GABRA3: variants seen among roughly 807,000 people sequenced by gnomAD.
The protein encoded by GABRA3 is gamma-aminobutyric acid type A receptor subunit alpha3.
A neutral mutation model predicts 30.1 loss-of-function variants in GABRA3; 10 were observed. The ratio of observed to expected loss-of-function variants is 0.33; its 90% confidence interval spans 0.20 to 0.56. GABRA3 has a LOEUF of 0.56. Among genes scored for constraint, GABRA3 ranks in the 20% least tolerant of loss-of-function variants. GABRA3 has a pLI of 0.89. For missense variants in GABRA3, 233 were observed against 392.0 expected (o/e 0.59, Z 3.42); for synonymous variants, 151 against 146.8 (o/e 1.03, Z -0.21).
intron 3 of GABRA3, among the ~76,000 whole-genome samples, chrX:152,298,390 A>C: frequency 9.7e-6 from 1 of 102,668 alleles, no homozygotes; most frequent in African/African-American, 3.8e-5. Context: ...CCACCCCACA[A>C]CAGGCCCCGG....
intron 4 of GABRA3, among the ~76,000 whole-genome samples, chrX:152,259,978 T>C (rs1002448576): frequency 1.8e-5 from 2 of 110,958 alleles, no homozygotes; most frequent in Non-Finnish European, 3.8e-5. Context: ...ACAGCATTTC[T>C]GGACCTGCCT....
intron 4 of GABRA3, among the ~76,000 whole-genome samples, chrX:152,264,007 A>C (rs1307177340): frequency 8.9e-6 from 1 of 111,852 alleles, no homozygotes; most frequent in African/African-American, 3.2e-5. Flanking sequence ...ATGAAAAAGA[A>C]ATAAATAATT....
chrX:152,422,015 A>G (rs935547163), intron 1 of GABRA3, among the ~76,000 whole-genome samples: 1 of 111,529 alleles, frequency 9.0e-6, no homozygotes, highest in Non-Finnish European at 1.9e-5. Context: ...GAAAATATGC[A>G]TACCCTATGA....
In GABRA3 at chrX:152,343,489, C is replaced by T. The variant is rs180805495; in HGVS notation, c.262+2092G>A. On this transcript the variant is annotated intron_variant, in intron 3 of 9. Transcript: ENST00000370314. ...AAACGCAATTGCACCATTCTCCCTC[C>T]AGTCTTCCCTATTTTAGAAAATAGC... is the stretch of plus-strand genomic sequence containing the variant. Among the ~76,000 whole-genome samples the T allele has an allele frequency of 3.7e-5, 4 of 109,294 alleles. No individual in the cohort carries two copies. In the Admixed American group the frequency reaches 3.9e-4, roughly 11 times the overall value. The allele number at this position is 109,294 out of a possible 115,157, so 94.9% of individuals were successfully genotyped here. A position where few individuals can be genotyped will look rare whatever the true frequency, so the allele number is the denominator to read the frequency against.
chrX:152,399,803 C>T (rs1317130241), intron 1 of GABRA3, among the ~76,000 whole-genome samples: 1 of 111,444 alleles, frequency 9.0e-6, no homozygotes, highest in Non-Finnish European at 1.9e-5. Flanking sequence ...TCAGACATAG[C>T]GAGGTGATTT....
At chrX:152,220,678 A>G (rs1380166276) in intron 6 of GABRA3, among the ~76,000 whole-genome samples, 2 of 111,904 alleles carry the variant, frequency 1.8e-5, no homozygotes, top group Non-Finnish European at 3.8e-5. Context: ...TCAGTAGCGC[A>G]TGAGAGTCCA....
Position 152,325,603 on chromosome X carries a change from AG to A in GABRA3, c.262+19977del, listed in dbSNP as rs752763930. On this transcript the variant is annotated intron_variant, in intron 3 of 9. Coordinates refer to ENST00000370314, the MANE Select transcript of GABRA3 (RefSeq NM_000808.4). ...CAAAGAGGGTCTGGAGTGGACCTCT[AG>A]CAAACTCCAACAGACCTGCAGCTGA... 8.0e-5 allele frequency among the ~76,000 whole-genome samples: 9 copies of A among 112,212 alleles called. No homozygotes were observed. In the East Asian group the frequency reaches 2.0e-3, roughly 25 times the overall value.
chrX:152,362,476 A>G (rs987521463), intron 2 of GABRA3, among the ~76,000 whole-genome samples: 1 of 111,621 alleles, frequency 9.0e-6, no homozygotes, highest in East Asian at 2.8e-4. Context: ...TGGGTTTTAT[A>G]AAATCATGTT....
chrX:152,245,837 C>T (rs1211967814), intron 5 of GABRA3, among the ~76,000 whole-genome samples: 1 of 111,576 alleles, frequency 9.0e-6, no homozygotes, highest in African/African-American at 3.3e-5. Context: ...CAGTCTTAGA[C>T]GTTACCACAT....
intron 5 of GABRA3, among the ~76,000 whole-genome samples, chrX:152,237,192 C>T (rs1158749700): frequency 9.0e-6 from 1 of 111,330 alleles, no homozygotes; most frequent in Non-Finnish European, 1.9e-5. Flanking sequence ...AGGAAGGGAT[C>T]CAGTTTCAGC....
chrX:152,409,635 CAGAATATACA>C (rs1184524303), intron 1 of GABRA3, among the ~76,000 whole-genome samples: 8 of 111,022 alleles, frequency 7.2e-5, no homozygotes, highest in Non-Finnish European at 5.7e-5. Flanking sequence ...GATTAATAAC[CAGAATATACA>C]AGGAGCCCAA....
chrX:152,204,013 T>C (rs1937513019), intron 7 of GABRA3, among the ~76,000 whole-genome samples: 1 of 111,594 alleles, frequency 9.0e-6, no homozygotes, highest in African/African-American at 3.3e-5. Context: ...AGCAAACTTT[T>C]AGTTGGCAGA....
chrX:152,214,978 A>G (rs1937689845), intron 6 of GABRA3, among the ~76,000 whole-genome samples: 1 of 108,607 alleles, frequency 9.2e-6, no homozygotes, highest in South Asian at 3.9e-4. Context: ...CTTTAGGGAT[A>G]TATGTATACA....
chrX:152,391,529 A>C (rs1929483413), intron 1 of GABRA3, among the ~76,000 whole-genome samples: 1 of 111,620 alleles, frequency 9.0e-6, no homozygotes, highest in African/African-American at 3.3e-5. Flanking sequence ...TCCAATGATC[A>C]CATGGAAGAA....
intron 1 of GABRA3, among the ~76,000 whole-genome samples, chrX:152,410,214 C>T (rs201340401): frequency 1.5e-4 from 17 of 111,272 alleles, no homozygotes; most frequent in East Asian, 1.1e-3. Context: ...GGTTATCAGA[C>T]GCAGGGAAGG....
In GABRA3 at chrX:152,279,414, T is replaced by C. The variant is rs1172376253; in HGVS notation, c.330+5254A>G. 2.7e-5 allele frequency among the ~76,000 whole-genome samples: 3 copies of C among 111,566 alleles called. No individual in the cohort carries two copies. The Admixed American group carries it at 2.9e-4, about 11-fold the overall frequency. Reference sequence around the variant, plus strand: ...TTTGTCAGGTTTGTCAAAGATCAGATAGTTGTAGATATGTGGCATTATTTC... The same window carrying C: ...TTTGTCAGGTTTGTCAAAGATCAGACAGTTGTAGATATGTGGCATTATTTC... On this transcript the variant is annotated intron_variant, in intron 4 of 9. Coordinates refer to ENST00000370314, the MANE Select transcript of GABRA3 (RefSeq NM_000808.4).
intron 5 of GABRA3, among the ~76,000 whole-genome samples, chrX:152,239,856 C>A (rs1242751920): frequency 1.1e-4 from 11 of 103,119 alleles, no homozygotes; most frequent in Admixed American, 2.0e-4. Context: ...GGTAGATCTT[C>A]CTCCATCCTT....
chrX:152,222,268 C>T (rs763279463), intron 6 of GABRA3, among the ~76,000 whole-genome samples: 14 of 107,524 alleles, frequency 1.3e-4, no homozygotes, highest in Non-Finnish European at 2.7e-4. Flanking sequence ...ATTTATCTTT[C>T]TATCCTTCAG....
chrX:152,441,886 T>C (rs1930940558), intron 1 of GABRA3, among the ~76,000 whole-genome samples: 1 of 111,958 alleles, frequency 8.9e-6, no homozygotes, highest in Admixed American at 9.5e-5. Context: ...AGCAAAATTT[T>C]GGAGAACATT....
Sources: allele counts gnomAD v4.1 joint callset (sites outside exome capture counted in the v4.1 genomes callset), GRCh38; gene constraint gnomAD v4.1.1; transcripts MANE v1.5; gene names NCBI Gene and HGNC (gene_info 2026-07-23, HGNC 2026-07-21).